RACK1: variants seen among roughly 807,000 people sequenced by gnomAD.
RACK1 encodes the protein small ribosomal subunit protein RACK1.
Under a neutral mutation model 42.2 loss-of-function variants are expected in RACK1, and 3 were observed. The ratio of observed to expected loss-of-function variants is 0.07; its 90% CI spans 0.03 to 0.18. The LOEUF is 0.18. Among genes scored for constraint, RACK1 ranks in the 10% least tolerant of loss-of-function variants. RACK1 has a pLI of 1.00. For synonymous variants in RACK1, 181 were observed against 154.8 expected, an observed-to-expected ratio of 1.17 and a Z score of -1.25; for missense variants, 146 against 403.2, an observed-to-expected ratio of 0.36 and a Z score of 5.46.
rs1759452628 is a variant in RACK1 at position 181,243,884 on chromosome 5, C to T, written c.-84G>A. On this transcript the variant is annotated 5_prime_UTR_variant, in exon 1 of 8. Coordinates refer to ENST00000512805, the MANE Select transcript of RACK1 (RefSeq NM_006098.5). The stretch of plus-strand genomic sequence containing the variant: ...AAACTAGCACCACAACCTCTCCTGC[C>T]GCCGCCTTGCAGTGAAAGAGAGAGA... The T allele has an allele frequency of 7.4e-6, 11 of 1,485,850 alleles. No homozygotes were observed. The highest frequency in any genetic ancestry group is 9.9e-6 in the Non-Finnish European group (11 of 1,114,416). The allele number at this position is 1,485,850 out of a possible 1,614,324, so 92.0% of individuals were successfully genotyped here. A position where few individuals can be genotyped will look rare whatever the true frequency, so the allele number is the denominator to read the frequency against.
chr5:181,241,398 C>G (rs1229820455), intron 3 of RACK1, 94 bp downstream of exon 3: 2 of 1,172,184 alleles, frequency 1.7e-6, no homozygotes, highest in African/African-American at 1.7e-5. Flanking sequence ...CCACTGCACT[C>G]CAGCTTGGGC....
At position 181,243,753 on chromosome 5, in the gene RACK1, G is replaced by C; in HGVS notation, c.48C>G (p.Gly16=). 1.9e-6 allele frequency: 3 copies of C among 1,609,918 alleles called. No homozygotes were observed. The highest frequency in any genetic ancestry group is 2.5e-6 in the Non-Finnish European group (3 of 1,178,262). Residue 16 remains glycine (G), a synonymous_variant, in exon 1 of 8, where the codon GGC becomes GGG. Transcript: ENST00000512805. ...TLRGTLKGHN[G]WVTQIATTPQ... ...GGGTAGTAGCGATCTGGGTTACCCA[G>C]CCGTTGTGGCCCTTGAGGGTGCCAC... is the stretch of plus-strand genomic sequence containing the variant.
At position 181,237,050 on chromosome 5, in the gene RACK1, G is replaced by C. The variant is rs369145352; in HGVS notation, c.889-8C>G. ...GTAGCCAGCAAACAGAGTCTGCAGG[G>C]AAGAAATGACAGTGACAGGTCAGGC... On this transcript the variant is annotated splice_polypyrimidine_tract_variant and splice_region_variant and intron_variant, in intron 7 of 7. Coordinates refer to ENST00000512805, the MANE Select transcript of RACK1 (RefSeq NM_006098.5). The C allele has an allele frequency of 3.1e-6, 5 of 1,613,428 alleles. No homozygotes were observed. Among genetic ancestry groups the C allele is most frequent in the Non-Finnish European group, 4.2e-6 (5 of 1,179,892 alleles).
intron 1 of RACK1, 91 bp from the exon 2 acceptor site, chr5:181,242,436 G>A: frequency 1.2e-6 from 1 of 855,520 alleles, no homozygotes; most frequent in African/African-American, 1.8e-5. Flanking sequence ...GGTCATGAGT[G>A]GGTTAACAAC....
rs763160311 is a variant in RACK1 at position 181,236,970 on chromosome 5, T to A, written c.*7A>T. The A allele has an allele frequency of 3.8e-6, 6 of 1,597,404 alleles. No homozygotes were observed. The African/African-American group carries it at 8.2e-5, about 22-fold the overall frequency. On this transcript the variant is annotated 3_prime_UTR_variant, in exon 8 of 8. Transcript: ENST00000512805. ...TTTTTTTATTTGTAAAGCTCTGCCATAAACTTCTAGCGTGTGCCAATGGTC... is the reference window on the plus strand; with the variant it reads ...TTTTTTTATTTGTAAAGCTCTGCCAAAAACTTCTAGCGTGTGCCAATGGTC...
chr5:181,242,591 T>G lies in RACK1; in HGVS notation c.110-246A>C, dbSNP rs1042745855. ...TTTTTTTCTTGAGATGGAGTCTCGC[T>G]CTGTCGCCCAGGCTGGAGTGCAGTG... is the stretch of plus-strand genomic sequence containing the variant. On this transcript the variant is annotated intron_variant, in intron 1 of 7. Transcript: ENST00000512805. 1.3e-5 allele frequency: 7 copies of G among 549,908 alleles called. No individual in the cohort carries two copies. In the African/African-American group the frequency reaches 1.3e-4, roughly 10 times the overall value. The allele number at this position is 549,908 out of a possible 1,614,324, so 34.1% of individuals were successfully genotyped here.
chr5:181,239,037 C>A (rs1311111878), intron 5 of RACK1, 30 bp downstream of exon 5: 1 of 1,411,866 alleles, frequency 7.1e-7, no homozygotes, highest in South Asian at 1.1e-5. Context: ...CTGTCTTCCA[C>A]TGAGTAGGAG....
intron 4 of RACK1, 55 bp from the exon 5 acceptor site, chr5:181,239,232 C>G: frequency 1.7e-6 from 2 of 1,190,864 alleles, no homozygotes; most frequent in South Asian, 2.4e-5. Flanking sequence ...GAGCTAGGGT[C>G]AGGCCCAACA....
In RACK1 at chr5:181,237,598, G is replaced by A. The variant is rs972937702; in HGVS notation, c.888+11C>T. ...GGAAGCAGAATCACCTGAGAGGACA[G>A]ACCCACTTACCTGGCCATCAGCAGA... On this transcript the variant is annotated intron_variant, in intron 7 of 7. Coordinates refer to ENST00000512805, the MANE Select transcript of RACK1 (RefSeq NM_006098.5). The A allele has an allele frequency of 7.0e-7, 1 of 1,423,206 alleles. No individual in the cohort carries two copies. The highest frequency in any genetic ancestry group is 9.9e-7 in the Non-Finnish European group (1 of 1,005,460). The allele number at this position is 1,423,206 out of a possible 1,614,324, so 88.2% of individuals were successfully genotyped here. A position where few individuals can be genotyped will look rare whatever the true frequency, so the allele number is the denominator to read the frequency against.
chr5:181,243,862 C>A lies in RACK1; in HGVS notation c.-62G>T. The A allele has an allele frequency of 6.5e-7, 1 of 1,528,652 alleles. No individual in the cohort carries two copies. The highest frequency in any genetic ancestry group is 8.8e-7 in the Non-Finnish European group (1 of 1,134,540). The allele number at this position is 1,528,652 out of a possible 1,614,324, so 94.7% of individuals were successfully genotyped here. A position where few individuals can be genotyped will look rare whatever the true frequency, so the allele number is the denominator to read the frequency against. On this transcript the variant is annotated 5_prime_UTR_variant, in exon 1 of 8. Coordinates refer to ENST00000512805, the MANE Select transcript of RACK1 (RefSeq NM_006098.5). ...GATGGCACTGGATGGCTTAGAGAAA[C>A]TAGCACCACAACCTCTCCTGCCGCC...
chr5:181,243,505 G>C (rs938408234), intron 1 of RACK1, 187 bp downstream of exon 1: 5 of 1,419,612 alleles, frequency 3.5e-6, no homozygotes, highest in Non-Finnish European at 4.7e-6. Flanking sequence ...TCTGCAATGT[G>C]GTTCGCCCGG....
intron 6 of RACK1, 51 bp from the exon 7 acceptor site, chr5:181,237,770 C>A (rs377426248): frequency 8.9e-6 from 9 of 1,010,930 alleles, no homozygotes; most frequent in African/African-American, 1.6e-5. Flanking sequence ...AAGAGAGTCT[C>A]CTCTTAAAAG....
chr5:181,238,924 C>T (rs758201391), intron 5 of RACK1, 143 bp downstream of exon 5: 1 of 743,474 alleles, frequency 1.3e-6, no homozygotes, highest in East Asian at 2.5e-5. Context: ...TCTTTGGAAA[C>T]ATATTCTCAG....
rs1444335121 is a variant in RACK1 at position 181,243,890 on chromosome 5, C to T, written c.-90G>A. 1.4e-6 allele frequency: 2 copies of T among 1,477,482 alleles called. No homozygotes were observed. The highest frequency in any genetic ancestry group is 2.4e-5 in the Admixed American group (1 of 41,298). The allele number at this position is 1,477,482 out of a possible 1,614,324, so 91.5% of individuals were successfully genotyped here. On this transcript the variant is annotated 5_prime_UTR_variant, in exon 1 of 8. Coordinates refer to ENST00000512805, the MANE Select transcript of RACK1 (RefSeq NM_006098.5). ...GCACCACAACCTCTCCTGCCGCCGC[C>T]TTGCAGTGAAAGAGAGAGAGAAAAG...
At chr5:181,241,438 A>C (rs945783157) in intron 3 of RACK1, 54 bp downstream of exon 3, 7 of 1,516,856 alleles carry the variant, frequency 4.6e-6, no homozygotes, top group Non-Finnish European at 6.2e-6. Flanking sequence ...AAAAAAAAAA[A>C]AAAAAGCAAA....
Position 181,239,550 on chromosome 5 carries a change from G to A in RACK1, c.462C>T (p.Val154=). Residue 154 remains valine, a synonymous_variant, in exon 4 of 8, where the codon GTC becomes GTT. Transcript: ENST00000512805. ...DESHSEWVSC[V]RFSPNSSNPI... is the part of the protein sequence containing the mutation. ...GGTTGCTGCTGTTGGGCGAGAAGCG[G>A]ACACAAGACACCCACTCTGAGTGGC... The A allele has an allele frequency of 6.2e-7, 1 of 1,613,728 alleles. No individual in the cohort carries two copies. The highest frequency in any genetic ancestry group is 8.5e-7 in the Non-Finnish European group (1 of 1,179,696).
rs540731944 is a variant in RACK1, at chr5:181,243,891, T to G, written c.-91A>C. 5.4e-6 allele frequency: 8 copies of G among 1,473,918 alleles called. No homozygotes were observed. In the East Asian group the frequency reaches 1.5e-4, roughly 28 times the overall value. The allele number at this position is 1,473,918 out of a possible 1,614,324, so 91.3% of individuals were successfully genotyped here. On this transcript the variant is annotated 5_prime_UTR_variant, in exon 1 of 8. Transcript: ENST00000512805. ...CACCACAACCTCTCCTGCCGCCGCC[T>G]TGCAGTGAAAGAGAGAGAGAAAAGC...
intron 3 of RACK1, chr5:181,240,306 G>A: frequency 6.3e-6 from 1 of 157,582 alleles, no homozygotes; most frequent in Non-Finnish European, 1.4e-5. Context: ...AGTGAGCCGA[G>A]ATCGCACTAC....
intron 4 of RACK1, 74 bp from the exon 5 acceptor site, chr5:181,239,251 C>G: frequency 1.0e-6 from 1 of 987,044 alleles, no homozygotes; most frequent in Non-Finnish European, 1.6e-6. Flanking sequence ...CAAAAAAGGG[C>G]TTGGCACTTC....
Sources: gnomAD v4.1 joint callset for allele counts on GRCh38, gnomAD v4.1.1 for gene constraint, MANE v1.5 for transcripts, NCBI Gene and HGNC (gene_info 2026-07-23, HGNC 2026-07-21) for gene names.